The following HNF4G variants were observed in gnomAD, a reference collection of about 807,000 sequenced individuals.
HNF4G encodes the protein hepatocyte nuclear factor 4 gamma, also known as hepatocyte nuclear factor 4-gamma.
A neutral mutation model predicts 50.9 loss-of-function variants in HNF4G; 21 were observed. The observed-to-expected ratio is 0.41, with a 90% CI of 0.29 to 0.59. The LOEUF (loss-of-function observed/expected upper bound fraction) is 0.59. Among genes scored for constraint, HNF4G ranks in the 20% least tolerant of loss-of-function variants. The pLI is 0.26. For missense variants in HNF4G, 527 were observed against 559.4 expected (o/e 0.94, Z 0.58); for synonymous variants, 198 against 185.6 (o/e 1.07, Z -0.54).
chr8:75,450,782 G>A (rs568657501), intron 1 of HNF4G, among the ~76,000 whole-genome samples: 19 of 152,260 alleles, frequency 1.2e-4, no homozygotes, highest in African/African-American at 3.6e-4. Context: ...TTTTAGAGGC[G>A]TTTAAGTCCT....
At chr8:75,534,934 G>T (rs7841002), upstream of HNF4G, among the ~76,000 whole-genome samples, 1 of 151,510 alleles carries the variant, frequency 6.6e-6, no homozygotes, top group Non-Finnish European at 1.5e-5. Flanking sequence ...TCAACAAATC[G>T]AGGACAGGAA....
At chr8:75,559,837 A>T (rs1807254673) in intron 8 of HNF4G, among the ~76,000 whole-genome samples, 1 of 152,212 alleles carries the variant, frequency 6.6e-6, no homozygotes. Context: ...AATAGTAGAA[A>T]GGGAAAATGA....
intron 1 of HNF4G, among the ~76,000 whole-genome samples, chr8:75,445,135 C>A (rs1322972363): frequency 2.8e-5 from 4 of 141,386 alleles, no homozygotes; most frequent in Non-Finnish European, 6.1e-5. Flanking sequence ...TCACTCAAAG[C>A]GGCTCAACTA....
At chr8:75,453,295 A>G (rs1811631024) in intron 1 of HNF4G, among the ~76,000 whole-genome samples, 1 of 152,162 alleles carries the variant, frequency 6.6e-6, no homozygotes, top group South Asian at 2.1e-4. Context: ...TGCACCAATC[A>G]GTGCTCTGTA....
chr8:75,551,945 G>C (rs1806973202), intron 4 of HNF4G, among the ~76,000 whole-genome samples: 1 of 152,026 alleles, frequency 6.6e-6, no homozygotes, highest in Non-Finnish European at 1.5e-5. Flanking sequence ...TGAAGAGTCA[G>C]AATTCAGAAA....
At chr8:75,438,197 A>G (rs965364856) in intron 1 of HNF4G, among the ~76,000 whole-genome samples, 8 of 152,322 alleles carry the variant, frequency 5.3e-5, no homozygotes, top group African/African-American at 1.7e-4. Context: ...TGCATATTTA[A>G]GAAATCATGA....
At chr8:75,548,304 T>C (rs1264217662) in intron 3 of HNF4G, among the ~76,000 whole-genome samples, 1 of 152,192 alleles carries the variant, frequency 6.6e-6, no homozygotes, top group East Asian at 1.9e-4. Context: ...TTTTTGTTGT[T>C]GTTGTTCTCA....
intron 1 of HNF4G, among the ~76,000 whole-genome samples, chr8:75,542,567 T>C (rs1022905028): frequency 6.9e-6 from 1 of 145,092 alleles, no homozygotes; most frequent in Non-Finnish European, 1.5e-5. Flanking sequence ...ACGGTATTGC[T>C]GGAGAATAGT....
At chr8:75,416,706 A>G (rs941087027) in intron 1 of HNF4G, among the ~76,000 whole-genome samples, 1 of 152,232 alleles carries the variant, frequency 6.6e-6, no homozygotes. Context: ...GTCTATGTAG[A>G]CTTCGCATGG....
At chr8:75,545,339 G>T (rs1379474794) in intron 2 of HNF4G, among the ~76,000 whole-genome samples, 1 of 151,528 alleles carries the variant, frequency 6.6e-6, no homozygotes, top group Admixed American at 6.6e-5. Context: ...AGGCTATGAG[G>T]ACTTCTGTCC....
intron 1 of HNF4G, among the ~76,000 whole-genome samples, chr8:75,541,280 A>T (rs1366085505): frequency 6.6e-6 from 1 of 152,158 alleles, no homozygotes; most frequent in Non-Finnish European, 1.5e-5. Context: ...TATCCAAAGT[A>T]TGGTGTAACT....
intron 2 of HNF4G, among the ~76,000 whole-genome samples, chr8:75,517,330 C>A (rs1258002029): frequency 6.6e-6 from 1 of 152,124 alleles, no homozygotes; most frequent in African/African-American, 2.4e-5. Flanking sequence ...TTCAAACAGT[C>A]CCCCAAAGTC....
At chr8:75,509,831 G>A (rs559532799) in intron 2 of HNF4G, among the ~76,000 whole-genome samples, 61 of 152,322 alleles carry the variant, frequency 4.0e-4, no homozygotes, top group African/African-American at 1.2e-3. Context: ...TCATATGGAA[G>A]TATTGCACAT....
intron 1 of HNF4G, among the ~76,000 whole-genome samples, chr8:75,488,573 C>A (rs1266637461): frequency 6.6e-6 from 1 of 152,068 alleles, no homozygotes; most frequent in Non-Finnish European, 1.5e-5. Context: ...CCACTATGCC[C>A]GGCCTCATTG....
At chr8:75,526,430 G>A (rs1044983313) in intron 2 of HNF4G, among the ~76,000 whole-genome samples, 2 of 152,110 alleles carry the variant, frequency 1.3e-5, no homozygotes, top group African/African-American at 4.8e-5. Context: ...AACTCAGTGC[G>A]CATATTCCCA....
intron 1 of HNF4G, among the ~76,000 whole-genome samples, chr8:75,541,719 TATAG>T (rs1191743909): frequency 2.0e-5 from 3 of 152,046 alleles, no homozygotes; most frequent in Non-Finnish European, 4.4e-5. Context: ...TTTGAATGCA[TATAG>T]ATTTTTCAAG....
intron 1 of HNF4G, among the ~76,000 whole-genome samples, chr8:75,408,799 C>A (rs1453149595): frequency 6.6e-6 from 1 of 152,190 alleles, no homozygotes; most frequent in African/African-American, 2.4e-5. Flanking sequence ...TTTTCACTTG[C>A]GGGCAAGGGC....
chr8:75,507,459 C>G (rs1171896272), intron 2 of HNF4G, among the ~76,000 whole-genome samples: 1 of 152,084 alleles, frequency 6.6e-6, no homozygotes, highest in Non-Finnish European at 1.5e-5. Flanking sequence ...TGGGATTTCA[C>G]CATCATGGCC....
intron 2 of HNF4G, among the ~76,000 whole-genome samples, chr8:75,530,460 C>G (rs1313388226): frequency 6.6e-6 from 1 of 151,560 alleles, no homozygotes; most frequent in Non-Finnish European, 1.5e-5. Flanking sequence ...TAAGGAAACC[C>G]AGCAGCCAGA....
Sources: allele counts gnomAD v4.1 joint callset (sites outside exome capture counted in the v4.1 genomes callset), GRCh38; gene constraint gnomAD v4.1.1; transcripts MANE v1.5; gene names NCBI Gene and HGNC (gene_info 2026-07-23, HGNC 2026-07-21).